Variants in SMYD3 observed in about 807,000 individuals in gnomAD.
SMYD3 encodes the protein histone-lysine N-methyltransferase SMYD3.
In SMYD3, 36 loss-of-function variants were observed where a neutral mutation model predicts 57.7. That is an observed-to-expected ratio of 0.62 (90% confidence interval 0.48 to 0.82). SMYD3 has a LOEUF of 0.82. Ranked by LOEUF, SMYD3 falls within the 40% of genes least tolerant of loss-of-function variation. The pLI is 0.00. For synonymous variants in SMYD3, 211 were observed against 195.0 expected (o/e 1.08, Z -0.68); for missense variants, 515 against 538.8 (o/e 0.96, Z 0.44).
intron 5 of SMYD3, chr1:246,188,959 CAA>C (rs76022016): frequency 5.4e-4 from 53 of 98,468 alleles, no homozygotes; most frequent in Non-Finnish European, 5.0e-4. Context: ...GACCCTGTCT[CAA>C]AAAAAAAAAA....
intron 5 of SMYD3, among the ~76,000 whole-genome samples, chr1:245,966,192 G>A (rs1221318212): frequency 6.6e-6 from 1 of 151,534 alleles, no homozygotes; most frequent in African/African-American, 2.4e-5. Flanking sequence ...TTCTTTTAGA[G>A]ACAGGGTCTC....
chr1:245,982,757 C>CAG (rs1378994698), intron 5 of SMYD3, among the ~76,000 whole-genome samples: 7 of 152,144 alleles, frequency 4.6e-5, no homozygotes, highest in African/African-American at 1.7e-4. Context: ...AGCAAAAACT[C>CAG]AGACAAGAAT....
At chr1:246,340,025 G>C (rs1465275601) in intron 2 of SMYD3, among the ~76,000 whole-genome samples, 1 of 151,964 alleles carries the variant, frequency 6.6e-6, no homozygotes, top group Non-Finnish European at 1.5e-5. Flanking sequence ...TCAAGACAAG[G>C]GCATTCCATG....
At chr1:245,985,600 G>A (rs990539016) in intron 5 of SMYD3, among the ~76,000 whole-genome samples, 1 of 151,990 alleles carries the variant, frequency 6.6e-6, no homozygotes, top group Non-Finnish European at 1.5e-5. Flanking sequence ...CCTTATTCCC[G>A]TCTCCAAGAC....
At chr1:246,115,131 C>T (rs1206892343) in intron 5 of SMYD3, among the ~76,000 whole-genome samples, 2 of 150,384 alleles carry the variant, frequency 1.3e-5, no homozygotes, top group Non-Finnish European at 1.5e-5. Flanking sequence ...AAGAAGTGTA[C>T]AGGGAGAGAA....
At chr1:245,824,187 A>G (rs2049338075) in intron 10 of SMYD3, among the ~76,000 whole-genome samples, 1 of 152,206 alleles carries the variant, frequency 6.6e-6, no homozygotes, top group African/African-American at 2.4e-5. Context: ...CAAGCTTGGC[A>G]TAGAGGTGTT....
chr1:246,319,327 C>T (rs2065210973), intron 5 of SMYD3, among the ~76,000 whole-genome samples: 1 of 152,186 alleles, frequency 6.6e-6, no homozygotes. Flanking sequence ...CACCACCACA[C>T]GTAAACACAC....
rs2063074480 is a variant in SMYD3 at position 246,210,863 on chromosome 1, G to A, written c.531+116338C>T. ...TTGATCAGAGAAAGTCGAGAGGAAGGAGGAAATGCAGGGCTTCAATTCTGA... is the reference window on the plus strand; with the variant it reads ...TTGATCAGAGAAAGTCGAGAGGAAGAAGGAAATGCAGGGCTTCAATTCTGA... On this transcript the variant is annotated intron_variant, in intron 5 of 11. Transcript: ENST00000490107. Among the ~76,000 whole-genome samples, 3 of 152,204 alleles carry A rather than the reference G, an allele frequency of 2.0e-5. No individual in the cohort carries two copies. In the South Asian group the frequency reaches 6.2e-4, roughly 32 times the overall value.
intron 1 of SMYD3, among the ~76,000 whole-genome samples, chr1:246,411,366 C>T (rs2066965055): frequency 6.6e-6 from 1 of 152,180 alleles, no homozygotes; most frequent in Non-Finnish European, 1.5e-5. Context: ...AACACTTGTA[C>T]ACTGTTGGTG....
chr1:245,839,318 T>C (rs10924354), intron 10 of SMYD3, among the ~76,000 whole-genome samples: 6,846 of 152,050 alleles, frequency 0.045, 530 homozygotes, highest in African/African-American at 0.16. Flanking sequence ...TACAGGTGCC[T>C]GCCACAGCGC....
chr1:246,405,949 G>A (rs1398320717), intron 1 of SMYD3, among the ~76,000 whole-genome samples: 1 of 151,400 alleles, frequency 6.6e-6, no homozygotes, highest in African/African-American at 2.4e-5. Flanking sequence ...AAAAAAGAAT[G>A]GACTCTAGAA....
At chr1:246,310,001 T>A (rs2065048754) in intron 5 of SMYD3, among the ~76,000 whole-genome samples, 1 of 152,162 alleles carries the variant, frequency 6.6e-6, no homozygotes, top group Admixed American at 6.5e-5. Context: ...ACAAAAAGGT[T>A]CATAATAGAA....
intron 5 of SMYD3, among the ~76,000 whole-genome samples, chr1:246,028,747 G>C (rs1439559549): frequency 4.6e-5 from 7 of 152,038 alleles, no homozygotes; most frequent in African/African-American, 1.7e-4. Flanking sequence ...AATTTGTATG[G>C]AAACACAAAA....
chr1:246,180,472 G>T (rs1242286837), intron 5 of SMYD3, among the ~76,000 whole-genome samples: 1 of 149,876 alleles, frequency 6.7e-6, no homozygotes, highest in Non-Finnish European at 1.5e-5. Flanking sequence ...ACTCAGGAGG[G>T]TTAGGCCGGG....
At chr1:246,138,141 G>A (rs891069560) in intron 5 of SMYD3, among the ~76,000 whole-genome samples, 3 of 151,990 alleles carry the variant, frequency 2.0e-5, no homozygotes, top group Admixed American at 6.6e-5. Flanking sequence ...TCTGTGCATA[G>A]GGCCAAGGGA....
chr1:246,113,682 C>G (rs3738060), intron 5 of SMYD3: 1 of 152,284 alleles, frequency 6.6e-6, no homozygotes, highest in East Asian at 1.9e-4. Context: ...ATTTGTTTCT[C>G]CCACAGACAG....
At chr1:246,330,654 A>G (rs2065444655) in intron 3 of SMYD3, 117 bp from the exon 4 acceptor site, 2 of 762,638 alleles carry the variant, frequency 2.6e-6, no homozygotes, top group East Asian at 3.0e-5. Context: ...AACATTTTCT[A>G]TATATTCTTT....
chr1:246,158,913 A>G (rs1371606688), intron 5 of SMYD3, among the ~76,000 whole-genome samples: 1 of 152,220 alleles, frequency 6.6e-6, no homozygotes, highest in African/African-American at 2.4e-5. Flanking sequence ...TCCTTATTCC[A>G]ATGGAGCTTA....
chr1:246,399,624 C>T (rs779798897), intron 1 of SMYD3, among the ~76,000 whole-genome samples: 20 of 151,938 alleles, frequency 1.3e-4, no homozygotes, highest in Non-Finnish European at 1.8e-4. Flanking sequence ...GGACTACAGG[C>T]GTGAGCTACC....
Sources: allele counts gnomAD v4.1 joint callset (sites outside exome capture counted in the v4.1 genomes callset), GRCh38; gene constraint gnomAD v4.1.1; transcripts MANE v1.5; gene names NCBI Gene and HGNC (gene_info 2026-07-23, HGNC 2026-07-21).